NFIB: variants seen among roughly 807,000 people sequenced by gnomAD.
The protein encoded by NFIB is nuclear factor 1 B-type.
In NFIB, 11 loss-of-function variants were observed where a neutral mutation model predicts 61.5. The observed-to-expected ratio is 0.18, with a 90% CI of 0.11 to 0.30. The LOEUF (loss-of-function observed/expected upper bound fraction) is 0.30, where lower values mean the gene tolerates loss of function less well. Among genes scored for constraint, NFIB ranks in the 10% least tolerant of loss-of-function variants. The pLI, the probability that NFIB is intolerant of heterozygous loss-of-function variation, is 1.00. For synonymous variants in NFIB, 260 were observed against 216.5 expected, an observed-to-expected ratio of 1.20 and a Z score of -1.76; for missense variants, 471 against 608.9, an observed-to-expected ratio of 0.77 and a Z score of 2.38.
chr9:14,464,406 T>C, the NFIB span, among the ~76,000 whole-genome samples: 1 of 152,184 alleles, frequency 6.6e-6, no homozygotes, highest in Admixed American at 6.5e-5. Flanking sequence ...GGAGCCAGGC[T>C]TTCATCCAAA....
intron 2 of NFIB, among the ~76,000 whole-genome samples, chr9:14,293,354 T>C (rs1588168163): frequency 1.3e-5 from 2 of 152,336 alleles, no homozygotes; most frequent in East Asian, 1.9e-4. Flanking sequence ...TCTGTATATA[T>C]GCACGCAATC....
At chr9:14,359,340 C>T (rs1231537298) in intron 1 of NFIB, among the ~76,000 whole-genome samples, 5 of 152,116 alleles carry the variant, frequency 3.3e-5, no homozygotes, top group African/African-American at 1.2e-4. Context: ...TCATGTGTAC[C>T]CTTATGGGAT....
At chr9:14,481,195 GTGTATATA>G in the NFIB span, among the ~76,000 whole-genome samples, 70 of 35,068 alleles carry the variant, frequency 2.0e-3, 1 homozygote, top group East Asian at 0.014. Flanking sequence ...GTGTGTGTGT[GTGTATATA>G]TATATATATA....
chr9:14,188,556 T>G (rs888512227), intron 2 of NFIB, among the ~76,000 whole-genome samples: 7 of 152,250 alleles, frequency 4.6e-5, no homozygotes, highest in Non-Finnish European at 8.8e-5. Flanking sequence ...GCAAAACATT[T>G]CCAGCTGTAT....
intron 1 of NFIB, among the ~76,000 whole-genome samples, chr9:14,356,595 C>T (rs909424595): frequency 6.6e-6 from 1 of 151,934 alleles, no homozygotes; most frequent in South Asian, 2.1e-4. Context: ...GGACTGATTT[C>T]GTCTCCTGTT....
chr9:14,151,839 T>G (rs1230386721), intron 4 of NFIB, among the ~76,000 whole-genome samples: 1 of 152,116 alleles, frequency 6.6e-6, no homozygotes, highest in African/African-American at 2.4e-5. Context: ...AACAAAATTC[T>G]AGAGCCCCTG....
At chr9:14,418,831 G>A in the NFIB span, among the ~76,000 whole-genome samples, 5 of 152,072 alleles carry the variant, frequency 3.3e-5, no homozygotes, top group African/African-American at 1.2e-4. Context: ...TTATTGGTGC[G>A]TTAACTAAAA....
At chr9:14,118,592 T>C (rs1291350507) in intron 8 of NFIB, among the ~76,000 whole-genome samples, 1 of 152,062 alleles carries the variant, frequency 6.6e-6, no homozygotes, top group Non-Finnish European at 1.5e-5. Context: ...GAAGCTACAC[T>C]AAAAATTTCT....
intron 2 of NFIB, among the ~76,000 whole-genome samples, chr9:14,189,010 A>C (rs2047662946): frequency 6.6e-6 from 1 of 152,144 alleles, no homozygotes; most frequent in Non-Finnish European, 1.5e-5. Context: ...TTAGTCTTAA[A>C]TTTTTCTCTT....
At position 14,313,465 on chromosome 9, in the gene NFIB, G is replaced by A. The variant is rs755668502; in HGVS notation, c.30+17C>T. ...CGGGCCAGAGAGAAAGCTCGAGAAA[G>A]CGACCGAGACATGTACCTGAGTGAG... is the stretch of plus-strand genomic sequence containing the variant. On this transcript the variant is annotated intron_variant, in intron 1 of 10. Transcript: ENST00000380953. The surrounding 1 kb of genome is among the most constrained non-coding windows in gnomAD (Gnocchi z 4.5). The A allele has an allele frequency of 3.2e-5, 52 of 1,613,596 alleles. No homozygotes were observed. Among genetic ancestry groups the A allele is most frequent in the African/African-American group, 4.0e-5 (3 of 74,904 alleles).
chr9:14,520,572 T>C, the NFIB span, among the ~76,000 whole-genome samples: 1 of 152,146 alleles, frequency 6.6e-6, no homozygotes. Context: ...TGAAATTCCT[T>C]TAAAAGGAGG....
the NFIB span, among the ~76,000 whole-genome samples, chr9:14,471,316 C>G: frequency 5.9e-5 from 9 of 152,162 alleles, no homozygotes; most frequent in African/African-American, 9.7e-5. Context: ...TTGCCTCCCC[C>G]CTGAGGTCAG....
intron 1 of NFIB, among the ~76,000 whole-genome samples, chr9:14,355,169 A>G (rs1158491326): frequency 6.6e-6 from 1 of 152,196 alleles, no homozygotes; most frequent in Non-Finnish European, 1.5e-5. Flanking sequence ...ATACCTCAGA[A>G]TGTGACTGTA....
At chr9:14,375,661 A>AAC (rs1483580203) in intron 1 of NFIB, among the ~76,000 whole-genome samples, 3 of 149,644 alleles carry the variant, frequency 2.0e-5, no homozygotes, top group East Asian at 3.9e-4. Flanking sequence ...CTCCATCTCA[A>AAC]AAAAAAAAAA....
chr9:14,269,510 T>C (rs554253340), intron 2 of NFIB, among the ~76,000 whole-genome samples: 2 of 152,204 alleles, frequency 1.3e-5, no homozygotes, highest in Non-Finnish European at 2.9e-5. Context: ...AATTCACCCA[T>C]ATACATCTGT....
At chr9:14,508,391 G>A in the NFIB span, among the ~76,000 whole-genome samples, 2 of 152,144 alleles carry the variant, frequency 1.3e-5, no homozygotes, top group South Asian at 4.1e-4. Context: ...ATCCCTTTTG[G>A]GAAATTTCAA....
chr9:14,103,887 T>C (rs1036584561), intron 10 of NFIB, among the ~76,000 whole-genome samples: 3 of 151,994 alleles, frequency 2.0e-5, no homozygotes, highest in Non-Finnish European at 2.9e-5. Flanking sequence ...AAAGAAGTCA[T>C]AAATCAGTAA....
intron 2 of NFIB, among the ~76,000 whole-genome samples, chr9:14,270,696 T>G (rs1258341960): frequency 6.6e-6 from 1 of 152,016 alleles, no homozygotes; most frequent in Non-Finnish European, 1.5e-5. Context: ...CTGATTTTAA[T>G]TTTAAAAAGT....
At chr9:14,276,451 G>A (rs1313590311) in intron 2 of NFIB, among the ~76,000 whole-genome samples, 1 of 152,078 alleles carries the variant, frequency 6.6e-6, no homozygotes, top group Non-Finnish European at 1.5e-5. Flanking sequence ...AGAGCAATAT[G>A]GTTTGCAATT....
Sources: allele counts gnomAD v4.1 joint callset (sites outside exome capture counted in the v4.1 genomes callset), GRCh38; gene constraint gnomAD v4.1.1; non-coding constraint Gnocchi (gnomAD v3.1); transcripts MANE v1.5; gene names NCBI Gene and HGNC (gene_info 2026-07-23, HGNC 2026-07-21).